The following NIM1K variants were observed in gnomAD, a reference collection of about 807,000 sequenced individuals.
NIM1K encodes the protein NIM1 serine/threonine protein kinase, also known as serine/threonine-protein kinase NIM1.
Under a neutral mutation model 37.1 loss-of-function variants are expected in NIM1K, and 35 were observed. That is an observed-to-expected ratio of 0.94 (90% CI 0.72 to 1.25). NIM1K has a LOEUF of 1.25. Among genes scored for constraint, NIM1K ranks in the 50% most tolerant of loss-of-function variants. The pLI is 0.00. For synonymous variants in NIM1K, 234 were observed against 206.6 expected (o/e 1.13, Z -1.14); for missense variants, 564 against 548.0 (o/e 1.03, Z -0.29).
intron 1 of NIM1K, among the ~76,000 whole-genome samples, chr5:43,200,386 C>T (rs1274902987): frequency 2.6e-5 from 4 of 152,000 alleles, no homozygotes; most frequent in Admixed American, 6.5e-5. Context: ...CTGCAAACTC[C>T]GCCTCCCAGG....
intron 1 of NIM1K, among the ~76,000 whole-genome samples, chr5:43,199,057 A>G (rs1440653343): frequency 6.6e-6 from 1 of 151,228 alleles, no homozygotes; most frequent in Non-Finnish European, 1.5e-5. Flanking sequence ...GCATGGTGGC[A>G]CGTGCCTGTA....
In NIM1K at chr5:43,237,555, G is replaced by A. The variant is rs73751058; in HGVS notation, c.-694-7527G>A. Among the ~76,000 whole-genome samples, 433 of 152,230 alleles carry A rather than the reference G, an allele frequency of 2.8e-3. 4 individuals carry two copies. Among genetic ancestry groups the A allele is most frequent in the African/African-American group, 1.0e-2 (415 of 41,544 alleles). ...TTTAATTAGGTATGTGATCACTTCC[G>A]TTATTTGCTTAGCTTTCAACATTAT... On this transcript the variant is annotated intron_variant, in intron 1 of 3. Transcript: ENST00000326035.
intron 2 of NIM1K, among the ~76,000 whole-genome samples, chr5:43,265,777 A>G (rs1753137912): frequency 6.6e-6 from 1 of 152,122 alleles, no homozygotes. Flanking sequence ...TTGGTCTTTG[A>G]TGATGGTGAC....
chr5:43,215,492 T>C (rs1752285835), intron 1 of NIM1K, among the ~76,000 whole-genome samples: 1 of 152,224 alleles, frequency 6.6e-6, no homozygotes, highest in South Asian at 2.1e-4. Context: ...TGGAGTGTAG[T>C]GGCGCAATCT....
chr5:43,266,012 G>A (rs1339558449), intron 2 of NIM1K, among the ~76,000 whole-genome samples: 2 of 152,240 alleles, frequency 1.3e-5, no homozygotes, highest in African/African-American at 4.8e-5. Flanking sequence ...TCACCCAGCT[G>A]TGTGAGGCAT....
At chr5:43,234,719 C>T (rs571604587) in intron 1 of NIM1K, among the ~76,000 whole-genome samples, 1 of 152,318 alleles carries the variant, frequency 6.6e-6, no homozygotes, top group South Asian at 2.1e-4. Flanking sequence ...ACTGCAACCT[C>T]CACCTCCTGG....
At chr5:43,229,856 A>G (rs111883860) in intron 1 of NIM1K, among the ~76,000 whole-genome samples, 10,147 of 150,846 alleles carry the variant, frequency 0.067, 489 homozygotes, top group Middle Eastern at 0.14. Context: ...AGGGTCTCGA[A>G]CTCCTGACCT....
At chr5:43,233,005 C>A (rs1752564658) in intron 1 of NIM1K, 1 of 1,190,884 alleles carries the variant, frequency 8.4e-7, no homozygotes, top group South Asian at 1.2e-5. Flanking sequence ...CTTGCCGGAG[C>A]CCGTCTCACT....
At chr5:43,244,206 A>C (rs964843354) in intron 1 of NIM1K, among the ~76,000 whole-genome samples, 3 of 152,254 alleles carry the variant, frequency 2.0e-5, no homozygotes, top group Non-Finnish European at 4.4e-5. Context: ...TCATGTTTTC[A>C]GTCAAATTTT....
intron 2 of NIM1K, among the ~76,000 whole-genome samples, chr5:43,253,069 C>T (rs1752889415): frequency 6.7e-6 from 1 of 148,418 alleles, no homozygotes; most frequent in Non-Finnish European, 1.5e-5. Context: ...CCTTGGACTC[C>T]TGGGCTCAAG....
intron 1 of NIM1K, among the ~76,000 whole-genome samples, chr5:43,197,658 A>G (rs1477286469): frequency 6.6e-6 from 1 of 152,026 alleles, no homozygotes; most frequent in Non-Finnish European, 1.5e-5. Flanking sequence ...TCCATACTCC[A>G]TACCCCCTCT....
In NIM1K at chr5:43,255,754, A is replaced by AAAAAAGAAAGAAAGAAAGAAAG. The variant is rs112325348; in HGVS notation, c.292+9690_292+9691insAAGAAAGAAAGAAAGAAAGAAA. 5.4e-3 allele frequency among the ~76,000 whole-genome samples: 706 copies of AAAAAAGAAAGAAAGAAAGAAAG among 131,872 alleles called. 4 individuals carry two copies. The highest frequency in any genetic ancestry group is 0.013 in the African/African-American group (477 of 35,658). 86.5% of individuals were successfully genotyped at this position (131,872 alleles called of 152,430 possible). On this transcript the variant is annotated intron_variant, in intron 2 of 3. Coordinates refer to ENST00000326035, the MANE Select transcript of NIM1K (RefSeq NM_153361.4). ...CAGAGCCAGACTCTGTCTCAAAAAA[A>AAAAAAGAAAGAAAGAAAGAAAG]AAAGAAAGAAAGAAAGAAAGAAAGA...
chr5:43,236,770 CTG>C lies in NIM1K; in HGVS notation c.-694-8311_-694-8310del, dbSNP rs914003688. Among the ~76,000 whole-genome samples, 11 of 152,306 alleles carry C rather than the reference CTG, an allele frequency of 7.2e-5. 1 individual carries two copies. Among genetic ancestry groups the C allele is most frequent in the African/African-American group, 2.6e-4 (11 of 41,576 alleles). ...AGACTGGATGGACTGTCCCTGGATGCTGGGTGTGAACTGGATGAGGGTAGACC... is the reference window on the plus strand; with the variant it reads ...AGACTGGATGGACTGTCCCTGGATGCGGTGTGAACTGGATGAGGGTAGACC... On this transcript the variant is annotated intron_variant, in intron 1 of 3. Transcript: ENST00000326035.
chr5:43,243,188 CAG>C (rs1247348689), intron 1 of NIM1K, among the ~76,000 whole-genome samples: 1 of 152,182 alleles, frequency 6.6e-6, no homozygotes, highest in Non-Finnish European at 1.5e-5. Flanking sequence ...GTAAGTTCTT[CAG>C]AGAGTCTGTT....
intron 1 of NIM1K, among the ~76,000 whole-genome samples, chr5:43,213,165 TTTTCTTTCTTTCTTTC>T (rs70994607): frequency 7.4e-3 from 288 of 39,116 alleles, no homozygotes; most frequent in South Asian, 0.013. Context: ...TTCTTTCTTT[TTTTCTTTCTTTCTTTC>T]TTTCTTTCTT....
chr5:43,250,531 A>C (rs1201512914), intron 2 of NIM1K, among the ~76,000 whole-genome samples: 1 of 152,222 alleles, frequency 6.6e-6, no homozygotes, highest in East Asian at 1.9e-4. Flanking sequence ...ACACAGCACC[A>C]AAAGAGCAGC....
chr5:43,215,884 G>A lies in NIM1K; in HGVS notation c.-695+23473G>A, dbSNP rs561470536. ...TAATCCCTACGTTATTACTTACTAC[G>A]CCAGTTTGGATTTGACATATTTTCT... On this transcript the variant is annotated intron_variant, in intron 1 of 3. Transcript: ENST00000326035. 3.9e-4 allele frequency among the ~76,000 whole-genome samples: 60 copies of A among 152,066 alleles called. 1 individual carries two copies. The highest frequency in any genetic ancestry group is 8.7e-4 in the Non-Finnish European group (59 of 68,022).
intron 2 of NIM1K, among the ~76,000 whole-genome samples, chr5:43,274,849 A>G (rs908267573): frequency 6.6e-6 from 1 of 152,210 alleles, no homozygotes; most frequent in African/African-American, 2.4e-5. Flanking sequence ...TAATAGTCCC[A>G]GTGCTAAAGT....
chr5:43,207,794 A>C (rs1049082408), intron 1 of NIM1K: 2 of 418,614 alleles, frequency 4.8e-6, no homozygotes, highest in Admixed American at 3.0e-5. Flanking sequence ...CACTCTTTGG[A>C]AGAAAGCTAA....
Sources: gnomAD v4.1 joint callset for allele counts (sites outside exome capture counted in the v4.1 genomes callset) on GRCh38, gnomAD v4.1.1 for gene constraint, MANE v1.5 for transcripts, NCBI Gene and HGNC (gene_info 2026-07-23, HGNC 2026-07-21) for gene names.